PTP4A2: variants seen among roughly 807,000 people sequenced by gnomAD.
The protein encoded by PTP4A2 is protein tyrosine phosphatase 4A2, also known as protein tyrosine phosphatase type IVA 2.
In PTP4A2, 2 loss-of-function variants were observed where a neutral mutation model predicts 22.9. The ratio of observed to expected loss-of-function variants is 0.09; its 90% confidence interval spans 0.04 to 0.27. PTP4A2 has a LOEUF of 0.27. PTP4A2 is among the 10% of genes least tolerant of loss of function. The probability of loss-of-function intolerance (pLI) is 1.00; values close to 1 mark genes in which losing one functional copy is unlikely to be tolerated. For missense variants in PTP4A2, 103 were observed against 205.1 expected, an observed-to-expected ratio of 0.50 and a Z score of 3.04; for synonymous variants, 68 against 69.1, an observed-to-expected ratio of 0.98 and a Z score of 0.08.
intron 3 of PTP4A2, chr1:31,913,139 C>T (rs1431815262): frequency 2.6e-6 from 1 of 382,260 alleles, no homozygotes; most frequent in Non-Finnish European, 5.2e-6. Flanking sequence ...CAGCTAAAAC[C>T]ACCATTAGTC....
At chr1:31,936,319 T>C (rs779191157) in intron 1 of PTP4A2, among the ~76,000 whole-genome samples, 2 of 151,834 alleles carry the variant, frequency 1.3e-5, no homozygotes, top group Non-Finnish European at 2.9e-5. Flanking sequence ...CACACTTGTA[T>C]TCTCAGCTAC....
At chr1:31,930,055 C>T (rs139088375) in intron 1 of PTP4A2, among the ~76,000 whole-genome samples, 1,620 of 152,256 alleles carry the variant, frequency 0.011, 36 homozygotes, top group African/African-American at 0.037. Context: ...TATACCATCT[C>T]GGGCCGGGCG....
At chr1:31,933,150 T>C (rs550117792) in intron 1 of PTP4A2, 1 of 152,482 alleles carries the variant, frequency 6.6e-6, no homozygotes, top group Admixed American at 6.5e-5. Context: ...TACAGGTTCA[T>C]ACCACTATGC....
chr1:31,925,643 C>A (rs1652416859), intron 1 of PTP4A2, among the ~76,000 whole-genome samples: 1 of 151,134 alleles, frequency 6.6e-6, no homozygotes, highest in African/African-American at 2.4e-5. Context: ...GCCTGTGGTC[C>A]CAGCTACTTG....
At chr1:31,910,347 G>GTGTGT (rs1651469980) in intron 4 of PTP4A2, 2 of 381,072 alleles carry the variant, frequency 5.2e-6, no homozygotes, top group Non-Finnish European at 9.6e-6. Context: ...AGAGTGCAGT[G>GTGTGT]GCACAATCAC....
intron 3 of PTP4A2, among the ~76,000 whole-genome samples, chr1:31,912,733 T>A (rs1490748641): frequency 6.6e-6 from 1 of 152,160 alleles, no homozygotes; most frequent in South Asian, 2.1e-4. Context: ...GGAATTTTTT[T>A]AAAAACATAA....
At chr1:31,925,377 TAA>T (rs1224688763) in intron 1 of PTP4A2, among the ~76,000 whole-genome samples, 1 of 152,214 alleles carries the variant, frequency 6.6e-6, no homozygotes, top group African/African-American at 2.4e-5. Flanking sequence ...CACAATTCCA[TAA>T]AGTGTTTTCT....
At position 31,918,431 on chromosome 1, in the gene PTP4A2, T is replaced by C. The variant is rs114519742; in HGVS notation, c.96+539A>G. Among the ~76,000 whole-genome samples the C allele has an allele frequency of 2.2e-3, 332 of 152,316 alleles. 1 individual carries two copies. The South Asian group carries it at 0.024, about 11-fold the overall frequency. On this transcript the variant is annotated intron_variant, in intron 2 of 5. Transcript: ENST00000647444. ...CAACGAAGTAGTCTGGGGGTGCCTTTTCATCAAAGGTGGTTAGAATATCTG... is the reference window on the plus strand; with the variant it reads ...CAACGAAGTAGTCTGGGGGTGCCTTCTCATCAAAGGTGGTTAGAATATCTG...
chr1:31,933,901 C>T (rs912361702), intron 1 of PTP4A2: 2 of 152,182 alleles, frequency 1.3e-5, no homozygotes, highest in African/African-American at 4.8e-5. Context: ...TTGAACTTTA[C>T]CAGTACCCCA....
Position 31,910,227 on chromosome 1 carries a change from T to TAA in PTP4A2, c.321-117_321-116dup, listed in dbSNP as rs1434463885. 1.4e-5 allele frequency: 10 copies of TAA among 710,790 alleles called. No homozygotes were observed. In the Admixed American group the frequency reaches 2.3e-4, roughly 16 times the overall value. The allele number at this position is 710,790 out of a possible 1,614,324, so 44.0% of individuals were successfully genotyped here. On this transcript the variant is annotated intron_variant, in intron 4 of 5. Coordinates refer to ENST00000647444, the MANE Select transcript of PTP4A2 (RefSeq NM_080391.4). Reference sequence around the variant, plus strand: ...CATGAGCTTTCTTTTTCCTGTATACTAAAGTAGCTGGTATCTGCCTAATAC... The same window carrying TAA: ...CATGAGCTTTCTTTTTCCTGTATACTAAAAAGTAGCTGGTATCTGCCTAATAC...
rs1253169537 is a variant in PTP4A2 at position 31,908,163 on chromosome 1, T to C, written c.*689A>G. ...TATTATATATATATATATATATATA[T>C]ATATATATATATATATATATATATA... On this transcript the variant is annotated 3_prime_UTR_variant, in exon 6 of 6. Coordinates refer to ENST00000647444, the MANE Select transcript of PTP4A2 (RefSeq NM_080391.4). 1.1e-4 allele frequency: 1 copy of C among 9,292 alleles called. No individual in the cohort carries two copies. Among genetic ancestry groups the C allele is most frequent in the Non-Finnish European group, 1.8e-4 (1 of 5,498 alleles). The allele number at this position is 9,292 out of a possible 1,614,324, so 0.6% of individuals were successfully genotyped here. A position where few individuals can be genotyped will look rare whatever the true frequency, so the allele number is the denominator to read the frequency against.
At chr1:31,914,295 G>A (rs1651705141) in intron 3 of PTP4A2, 2 of 455,592 alleles carry the variant, frequency 4.4e-6, no homozygotes, top group Non-Finnish European at 8.8e-6. Flanking sequence ...TGGAACTCCT[G>A]GACTCAAGTG....
Position 31,926,143 on chromosome 1 carries a change from A to ATAT in PTP4A2, c.-593-6486_-593-6485insATA, listed in dbSNP as rs1190342133. ...ATTCCGTTTCAAAAAATTAAAAAAA[A>ATAT]AAAAAAATATATATATATATATATA... is the stretch of plus-strand genomic sequence containing the variant. On this transcript the variant is annotated intron_variant, in intron 1 of 5. Coordinates refer to ENST00000647444, the MANE Select transcript of PTP4A2 (RefSeq NM_080391.4). Among the ~76,000 whole-genome samples the ATAT allele has an allele frequency of 3.8e-5, 5 of 131,062 alleles. No homozygotes were observed. In the East Asian group the frequency reaches 6.0e-4, roughly 16 times the overall value. 86.0% of individuals were successfully genotyped at this position (131,062 alleles called of 152,430 possible). A position where few individuals can be genotyped will look rare whatever the true frequency, so the allele number is the denominator to read the frequency against.
At chr1:31,917,928 G>A (rs1465612853) in intron 2 of PTP4A2, among the ~76,000 whole-genome samples, 4 of 129,456 alleles carry the variant, frequency 3.1e-5, no homozygotes, top group East Asian at 2.3e-4. Context: ...AGCCAAGATC[G>A]TGCCACTGCA....
chr1:31,911,583 A>G (rs1475551858), intron 4 of PTP4A2, 113 bp downstream of exon 4: 1 of 986,768 alleles, frequency 1.0e-6, no homozygotes, highest in African/African-American at 1.7e-5. Flanking sequence ...CCTTTCAGGT[A>G]ATTTAATGTT....
chr1:31,911,971 T>C (rs1651557338), intron 3 of PTP4A2, 145 bp from the exon 4 acceptor site: 2 of 475,676 alleles, frequency 4.2e-6, no homozygotes, highest in East Asian at 3.6e-5. Context: ...ATTCTGATCA[T>C]TGCTGTAAAA....
chr1:31,930,857 A>G (rs1652696518), intron 1 of PTP4A2: 1 of 152,244 alleles, frequency 6.6e-6, no homozygotes, highest in South Asian at 2.1e-4. Flanking sequence ...TAAATATTTC[A>G]TACTACATAT....
rs1417461783 is a variant in PTP4A2 at position 31,908,730 on chromosome 1, T to C, written c.*122A>G. Reference sequence around the variant, plus strand: ...TTTGTTCCAATCATTAGGAGAGTGGTTGAGGAGTACTGAATCCATCACTAC... The same window carrying C: ...TTTGTTCCAATCATTAGGAGAGTGGCTGAGGAGTACTGAATCCATCACTAC... On this transcript the variant is annotated 3_prime_UTR_variant, in exon 6 of 6. Transcript: ENST00000647444. 7.8e-6 allele frequency: 5 copies of C among 639,776 alleles called. No homozygotes were observed. The highest frequency in any genetic ancestry group is 1.1e-5 in the Non-Finnish European group (4 of 359,694). 39.6% of individuals were successfully genotyped at this position (639,776 alleles called of 1,614,324 possible).
intron 3 of PTP4A2, among the ~76,000 whole-genome samples, chr1:31,912,667 C>T (rs748012122): frequency 2.0e-5 from 3 of 152,168 alleles, no homozygotes; most frequent in Non-Finnish European, 2.9e-5. Context: ...TGACATTTTA[C>T]AAGCCTTCCC....
Sources: gnomAD v4.1 joint callset for allele counts (sites outside exome capture counted in the v4.1 genomes callset) on GRCh38, gnomAD v4.1.1 for gene constraint, MANE v1.5 for transcripts, NCBI Gene and HGNC (gene_info 2026-07-23, HGNC 2026-07-21) for gene names.